OSBPL9: variants seen among roughly 807,000 people sequenced by gnomAD.
OSBPL9 encodes oxysterol-binding protein-related protein 9.
OSBPL9 carries 40 observed loss-of-function variants against 106.6 expected under a neutral mutation model. The observed-to-expected ratio is 0.38, with a 90% CI of 0.29 to 0.49. OSBPL9 has a LOEUF of 0.49. Ranked by LOEUF, OSBPL9 falls within the 20% of genes least tolerant of loss-of-function variation. The probability of loss-of-function intolerance (pLI) is 0.97; values close to 1 mark genes in which losing one functional copy is unlikely to be tolerated. For synonymous variants in OSBPL9, 269 were observed against 295.4 expected (o/e 0.91, Z 0.92); for missense variants, 609 against 887.2 (o/e 0.69, Z 3.98).
the OSBPL9 span, among the ~76,000 whole-genome samples, chr1:51,540,905 G>A: frequency 6.6e-6 from 1 of 150,640 alleles, no homozygotes; most frequent in African/African-American, 2.5e-5. Context: ...GCTGCAGTCA[G>A]CCAAGATAGC....
At chr1:51,649,170 C>T (rs1646351935) in intron 1 of OSBPL9, among the ~76,000 whole-genome samples, 1 of 152,088 alleles carries the variant, frequency 6.6e-6, no homozygotes, top group Non-Finnish European at 1.5e-5. Flanking sequence ...GCAGCAGTGC[C>T]ATCTCTGCTC....
chr1:51,540,526 C>T, the OSBPL9 span, among the ~76,000 whole-genome samples: 563 of 151,768 alleles, frequency 3.7e-3, 2 homozygotes, highest in African/African-American at 0.012. Flanking sequence ...TGGTGGCGCA[C>T]GCCTGCAGTC....
chr1:51,789,170 C>A lies in OSBPL9; in HGVS notation c.*1381C>A, dbSNP rs1215017939. On this transcript the variant is annotated 3_prime_UTR_variant, in exon 24 of 24. Transcript: ENST00000428468. ...CCCTAAGGCAGTAGTATAACTAACT[C>A]CATAAAATACAAACAAACACATTTT... 2.1e-6 allele frequency: 3 copies of A among 1,460,500 alleles called. No homozygotes were observed. Among genetic ancestry groups the A allele is most frequent in the Admixed American group, 3.4e-5 (2 of 59,678 alleles). The allele number at this position is 1,460,500 out of a possible 1,614,324, so 90.5% of individuals were successfully genotyped here.
intron 2 of OSBPL9, among the ~76,000 whole-genome samples, chr1:51,665,207 C>T (rs967061675): frequency 4.6e-5 from 7 of 152,150 alleles, no homozygotes; most frequent in African/African-American, 9.7e-5. Flanking sequence ...TGCAATGGGG[C>T]AGTCTTGGTT....
intron 15 of OSBPL9, among the ~76,000 whole-genome samples, chr1:51,779,025 A>G (rs886314271): frequency 1.8e-4 from 27 of 152,362 alleles, no homozygotes; most frequent in African/African-American, 5.8e-4. Flanking sequence ...GACTTAATCT[A>G]TGATACTAGA....
intron 3 of OSBPL9, among the ~76,000 whole-genome samples, chr1:51,691,131 G>GT (rs1415930614): frequency 6.6e-6 from 1 of 152,174 alleles, no homozygotes; most frequent in Non-Finnish European, 1.5e-5. Context: ...GAGTCAGTAA[G>GT]TGAGTGGTGA....
chr1:51,753,934 G>C (rs1381529762), intron 8 of OSBPL9, among the ~76,000 whole-genome samples: 2 of 152,116 alleles, frequency 1.3e-5, no homozygotes, highest in African/African-American at 4.8e-5. Context: ...AAACCCCCTG[G>C]GTGGTTTTAA....
intron 1 of OSBPL9, among the ~76,000 whole-genome samples, chr1:51,651,357 C>T (rs1489018696): frequency 6.6e-6 from 1 of 152,122 alleles, no homozygotes; most frequent in Non-Finnish European, 1.5e-5. Flanking sequence ...AATCACAGCA[C>T]TTTGGGAGGC....
intron 4 of OSBPL9, among the ~76,000 whole-genome samples, chr1:51,738,260 G>C (rs1329743828): frequency 2.6e-5 from 4 of 152,046 alleles, no homozygotes. Context: ...GTATCATGAA[G>C]AGTAAGGAAT....
the OSBPL9 span, among the ~76,000 whole-genome samples, chr1:51,527,194 T>A: frequency 6.6e-6 from 1 of 152,254 alleles, no homozygotes; most frequent in South Asian, 2.1e-4. Flanking sequence ...TAAAACTCTT[T>A]GACCCTCAGT....
the OSBPL9 span, among the ~76,000 whole-genome samples, chr1:51,548,100 A>C: frequency 1.3e-5 from 2 of 152,142 alleles, no homozygotes; most frequent in African/African-American, 2.4e-5. Context: ...TTTTTAAAAA[A>C]ATCATCTGGA....
At chr1:51,674,334 A>G (rs72663126) in intron 3 of OSBPL9, among the ~76,000 whole-genome samples, 23 of 152,188 alleles carry the variant, frequency 1.5e-4, no homozygotes, top group Admixed American at 2.0e-4. Flanking sequence ...ATAACTCACT[A>G]TGTTGCCAGG....
At chr1:51,629,205 G>A (rs1298064907) in intron 1 of OSBPL9, among the ~76,000 whole-genome samples, 1 of 151,928 alleles carries the variant, frequency 6.6e-6, no homozygotes, top group African/African-American at 2.4e-5. Context: ...TAATCATCTC[G>A]TTTGATTTTT....
Position 51,745,611 on chromosome 1 carries a change from A to AT in OSBPL9, c.395dup (p.Ile134AspfsTer2). 1 of 1,591,914 alleles carries AT rather than the reference A, an allele frequency of 6.3e-7. No individual in the cohort carries two copies. Among genetic ancestry groups the AT allele is most frequent in the Non-Finnish European group, 8.5e-7 (1 of 1,173,468 alleles). On this transcript the variant is annotated frameshift_variant, in exon 5 of 24. Transcript: ENST00000428468. LOFTEE classifies it high-confidence loss of function. Reference sequence around the variant, plus strand: ...TACAGAAGCTGATGCTTACCTACAAATCTTGATTGAACAATTAAAGGTATG... The same window carrying AT: ...TACAGAAGCTGATGCTTACCTACAAATTCTTGATTGAACAATTAAAGGTATG...
intron 4 of OSBPL9, chr1:51,724,894 C>A: frequency 4.8e-6 from 1 of 210,062 alleles, no homozygotes; most frequent in East Asian, 1.2e-4. Context: ...CTTAAAAGGG[C>A]ACAGGAAAGG....
At chr1:51,635,181 G>A (rs1645351459) in intron 1 of OSBPL9, among the ~76,000 whole-genome samples, 2 of 152,142 alleles carry the variant, frequency 1.3e-5, no homozygotes, top group South Asian at 4.1e-4. Context: ...CAAGAGCAGA[G>A]TGTGATGGGT....
At chr1:51,666,582 C>G (rs1648569228) in intron 2 of OSBPL9, among the ~76,000 whole-genome samples, 1 of 152,176 alleles carries the variant, frequency 6.6e-6, no homozygotes, top group Non-Finnish European at 1.5e-5. Flanking sequence ...TTGGATAACA[C>G]TGCCGTCAAT....
intron 1 of OSBPL9, among the ~76,000 whole-genome samples, chr1:51,592,178 A>C (rs190436945): frequency 0.016 from 2,198 of 135,366 alleles, 29 homozygotes; most frequent in Non-Finnish European, 0.024. Flanking sequence ...GCAGTGGCGC[A>C]ATCTCGGCTC....
At chr1:51,593,942 A>G (rs1182114104) in intron 1 of OSBPL9, among the ~76,000 whole-genome samples, 2 of 151,072 alleles carry the variant, frequency 1.3e-5, no homozygotes, top group East Asian at 3.9e-4. Flanking sequence ...ACACACACAC[A>G]CGAAGAGCAT....
Sources: gnomAD v4.1 joint callset for allele counts (sites outside exome capture counted in the v4.1 genomes callset) on GRCh38, gnomAD v4.1.1 for gene constraint, MANE v1.5 for transcripts, NCBI Gene and HGNC (gene_info 2026-07-23, HGNC 2026-07-21) for gene names.